GSN: variants seen among roughly 807,000 people sequenced by gnomAD.
The protein encoded by GSN is gelsolin.
Under a neutral mutation model 85.7 loss-of-function variants are expected in GSN, and 56 were observed. The ratio of observed to expected loss-of-function variants is 0.65; its 90% CI spans 0.53 to 0.82. The LOEUF is 0.82. Among genes scored for constraint, GSN ranks in the 40% least tolerant of loss-of-function variants. The probability of loss-of-function intolerance (pLI) is 0.00; values close to 1 mark genes in which losing one functional copy is unlikely to be tolerated. For synonymous variants in GSN, 373 were observed against 399.1 expected (o/e 0.93, Z 0.78); for missense variants, 857 against 979.8 (o/e 0.87, Z 1.67).
At chr9:121,300,619 C>G (rs1405976923) in intron 2 of GSN, among the ~76,000 whole-genome samples, 1 of 152,130 alleles carries the variant, frequency 6.6e-6, no homozygotes, top group African/African-American at 2.4e-5. Context: ...TTTTTGTCCT[C>G]GACTCCAGCC....
chr9:121,286,469 AC>A (rs1564425668), intron 2 of GSN: 1 of 801,272 alleles, frequency 1.2e-6, no homozygotes, highest in South Asian at 1.9e-5. Context: ...TGCAGGCCAC[AC>A]CCCCAAGCCT....
At chr9:121,218,279 G>A (rs959944562) in intron 4 of GSN, among the ~76,000 whole-genome samples, 3 of 152,210 alleles carry the variant, frequency 2.0e-5, no homozygotes, top group Non-Finnish European at 4.4e-5. Context: ...GATTTTGGGT[G>A]CACATGCTGT....
intron 4 of GSN, among the ~76,000 whole-genome samples, chr9:121,215,860 A>T (rs1022587894): frequency 6.6e-6 from 1 of 152,160 alleles, no homozygotes; most frequent in Non-Finnish European, 1.5e-5. Context: ...TTCAAGTATC[A>T]TATAAATTAT....
chr9:121,319,090 C>T (rs575222270), intron 10 of GSN, among the ~76,000 whole-genome samples: 1 of 152,340 alleles, frequency 6.6e-6, no homozygotes, highest in South Asian at 2.1e-4. Context: ...CCGAGGAGTG[C>T]CTGGTCTGGG....
chr9:121,308,113 C>G (rs1010504139), intron 4 of GSN, among the ~76,000 whole-genome samples: 2 of 152,224 alleles, frequency 1.3e-5, no homozygotes, highest in Admixed American at 6.5e-5. Context: ...ACCCCTTGCT[C>G]CACACCGAGG....
intron 7 of GSN, among the ~76,000 whole-genome samples, chr9:121,315,278 C>T (rs780516823): frequency 1.4e-4 from 22 of 152,172 alleles, no homozygotes; most frequent in Non-Finnish European, 2.5e-4. Flanking sequence ...TTTATAACAG[C>T]TGTATAGTAT....
chr9:121,299,566 C>T lies in GSN; in HGVS notation c.-9-2397C>T, dbSNP rs1433631514. The T allele has an allele frequency of 1.4e-6, 1 of 724,958 alleles. No individual in the cohort carries two copies. The highest frequency in any genetic ancestry group is 1.9e-5 in the African/African-American group (1 of 52,092). The allele number at this position is 724,958 out of a possible 1,614,324, so 44.9% of individuals were successfully genotyped here. A position where few individuals can be genotyped will look rare whatever the true frequency, so the allele number is the denominator to read the frequency against. The stretch of plus-strand genomic sequence containing the variant: ...GGGCTCGCGTGCGTCGCAGGAGGCT[C>T]AGCTGGGCTCGCCGCCGCTCGTGCC... On this transcript the variant is annotated intron_variant, in intron 2 of 17. Coordinates refer to ENST00000432226, the MANE Select transcript of GSN (RefSeq NM_198252.3). The surrounding 1 kb of genome is among the most constrained non-coding windows in gnomAD (Gnocchi z 4.2).
intron 1 of GSN, among the ~76,000 whole-genome samples, chr9:121,273,252 A>G (rs1300705768): frequency 6.6e-6 from 1 of 152,166 alleles, no homozygotes; most frequent in Non-Finnish European, 1.5e-5. Flanking sequence ...CTCAATAAGA[A>G]TATCATCAGA....
At chr9:121,220,559 C>T (rs747648650) in intron 4 of GSN, among the ~76,000 whole-genome samples, 3 of 152,218 alleles carry the variant, frequency 2.0e-5, no homozygotes, top group Admixed American at 1.3e-4. Context: ...AGCAAGGTCC[C>T]GTCCAAAGCA....
At chr9:121,224,924 T>A (rs2054245572) in intron 4 of GSN, among the ~76,000 whole-genome samples, 1 of 152,096 alleles carries the variant, frequency 6.6e-6, no homozygotes, top group South Asian at 2.1e-4. Flanking sequence ...GCTCAGGTGA[T>A]CCTCCTATCT....
At chr9:121,330,959 GT>G in intron 16 of GSN, among the ~76,000 whole-genome samples, 1 of 152,278 alleles carries the variant, frequency 6.6e-6, no homozygotes, top group Admixed American at 6.5e-5. Flanking sequence ...ATGGTACCTG[GT>G]TGGCAATGTT....
rs367921609 is a variant in GSN, at chr9:121,271,021, C to A, written c.-103+2802C>A. On this transcript the variant is annotated intron_variant, in intron 1 of 17. Transcript: ENST00000432226. Reference sequence around the variant, plus strand: ...TTGGGCAAATCCTATCTCTCTGAGCCTCTGGTTCCTCATGTGTAAAATGGA... The same window carrying A: ...TTGGGCAAATCCTATCTCTCTGAGCATCTGGTTCCTCATGTGTAAAATGGA... Among the ~76,000 whole-genome samples the A allele has an allele frequency of 2.0e-5, 3 of 152,234 alleles. No homozygotes were observed. The East Asian group carries it at 5.8e-4, about 29-fold the overall frequency.
chr9:121,312,576 A>T (rs2061288229), intron 6 of GSN, 88 bp downstream of exon 6: 4 of 964,310 alleles, frequency 4.1e-6, no homozygotes, highest in East Asian at 3.0e-5. Flanking sequence ...GGTGAATTTG[A>T]GGAAAAAAAA....
chr9:121,229,570 A>G (rs2054347105), intron 4 of GSN, among the ~76,000 whole-genome samples: 1 of 152,176 alleles, frequency 6.6e-6, no homozygotes, highest in South Asian at 2.1e-4. Flanking sequence ...AATGTTCCAC[A>G]ATTTAGGTTT....
rs536508646 is a variant in GSN, at chr9:121,289,623, C to T, written c.-10+8061C>T. Among the ~76,000 whole-genome samples, 160 of 152,312 alleles carry T rather than the reference C, an allele frequency of 1.1e-3. 2 individuals carry two copies. The highest frequency in any genetic ancestry group is 3.5e-3 in the African/African-American group (146 of 41,564). On this transcript the variant is annotated intron_variant, in intron 2 of 17. Coordinates refer to ENST00000432226, the MANE Select transcript of GSN (RefSeq NM_198252.3). ...CCTCTTGGCACCTGGCACTCACTAC[C>T]TCATCTTGTCTCATTTGCATAAAGC...
rs1043889922 is a variant in GSN at position 121,310,461 on chromosome 9, G to A, written c.352-223G>A. Reference sequence around the variant, plus strand: ...TCTCACTTCTTAGCTGTGTGGCCTTGGGCAAATTTTATTCCTTTCCTAAAC... The same window carrying A: ...TCTCACTTCTTAGCTGTGTGGCCTTAGGCAAATTTTATTCCTTTCCTAAAC... On this transcript the variant is annotated intron_variant, in intron 4 of 17. Transcript: ENST00000432226. 8.5e-6 allele frequency: 5 copies of A among 588,194 alleles called. No individual in the cohort carries two copies. The South Asian group carries it at 9.6e-5, about 11-fold the overall frequency. 36.4% of individuals were successfully genotyped at this position (588,194 alleles called of 1,614,324 possible).
intron 5 of GSN, among the ~76,000 whole-genome samples, chr9:121,244,234 A>T (rs745510602): frequency 3.9e-5 from 6 of 152,256 alleles, no homozygotes; most frequent in Admixed American, 3.3e-4. Flanking sequence ...CAATGTATTC[A>T]TCAGATGAAA....
Position 121,332,839 on chromosome 9 carries a change from T to C in GSN, c.*236T>C. On this transcript the variant is annotated 3_prime_UTR_variant, in exon 18 of 18. Transcript: ENST00000432226. The surrounding 1 kb of genome is among the most constrained non-coding windows in gnomAD (Gnocchi z 4.8). ...TAAATCCAATAAAAACATTTTGAAG[T>C]GTGTACTCTAGTGTGGCTCGTTTCC... 1.8e-6 allele frequency: 1 copy of C among 548,310 alleles called. No individual in the cohort carries two copies. The highest frequency in any genetic ancestry group is 3.3e-6 in the Non-Finnish European group (1 of 306,816). The allele number at this position is 548,310 out of a possible 1,614,324, so 34.0% of individuals were successfully genotyped here. A position where few individuals can be genotyped will look rare whatever the true frequency, so the allele number is the denominator to read the frequency against.
intron 2 of GSN, chr9:121,283,318 G>C (rs1336557124): frequency 7.7e-6 from 1 of 130,186 alleles, no homozygotes; most frequent in Non-Finnish European, 1.7e-5. Flanking sequence ...TTTTTTTTTA[G>C]ACGGAGTCTT....
Sources: gnomAD v4.1 joint callset for allele counts (sites outside exome capture counted in the v4.1 genomes callset) on GRCh38, gnomAD v4.1.1 for gene constraint, Gnocchi (gnomAD v3.1) non-coding constraint, MANE v1.5 for transcripts, NCBI Gene and HGNC (gene_info 2026-07-23, HGNC 2026-07-21) for gene names.